FBXO34: variants seen among roughly 807,000 people sequenced by gnomAD.
The protein encoded by FBXO34 is F-box only protein 34.
A neutral mutation model predicts 24.5 loss-of-function variants in FBXO34; 12 were observed. The observed-to-expected ratio is 0.49, with a 90% CI of 0.31 to 0.79. FBXO34 has a LOEUF of 0.79. Among genes scored for constraint, FBXO34 ranks in the 30% least tolerant of loss-of-function variants. The pLI, the probability that FBXO34 is intolerant of heterozygous loss-of-function variation, is 0.04. For synonymous variants in FBXO34, 320 were observed against 311.9 expected (o/e 1.03, Z -0.27); for missense variants, 823 against 857.7 (o/e 0.96, Z 0.51).
the FBXO34 span, among the ~76,000 whole-genome samples, chr14:55,422,412 A>AT: frequency 3.1e-4 from 47 of 150,048 alleles, no homozygotes; most frequent in African/African-American, 5.6e-4. Flanking sequence ...TGCCCAGCTA[A>AT]TTTTTTTTTT....
At chr14:55,377,688 A>G in the FBXO34 span, 1 of 553,430 alleles carries the variant, frequency 1.8e-6, no homozygotes, top group Non-Finnish European at 3.2e-6. Context: ...TTCTTTCTGT[A>G]TTGGACTCCA....
At chr14:55,426,773 G>A in the FBXO34 span, among the ~76,000 whole-genome samples, 1 of 152,140 alleles carries the variant, frequency 6.6e-6, no homozygotes, top group Non-Finnish European at 1.5e-5. Flanking sequence ...GTCCCAGGAG[G>A]AAGATAGAAC....
chr14:55,285,585 A>C (rs1447544560), intron 1 of FBXO34: 1 of 152,130 alleles, frequency 6.6e-6, no homozygotes, highest in Non-Finnish European at 1.5e-5. Context: ...TCCTTTATGA[A>C]CACTTCATGG....
chr14:55,412,393 T>C, the FBXO34 span, among the ~76,000 whole-genome samples: 1 of 152,162 alleles, frequency 6.6e-6, no homozygotes, highest in African/African-American at 2.4e-5. Flanking sequence ...TTAATAGTAT[T>C]ATACTTTACC....
At chr14:55,373,700 C>A (rs1375410912), downstream of FBXO34, among the ~76,000 whole-genome samples, 1 of 152,048 alleles carries the variant, frequency 6.6e-6, no homozygotes, top group Non-Finnish European at 1.5e-5. Context: ...CTCAAGTGAT[C>A]CGCCCACCTC....
intron 1 of FBXO34, among the ~76,000 whole-genome samples, chr14:55,278,646 A>G (rs985712355): frequency 6.6e-6 from 1 of 152,234 alleles, no homozygotes; most frequent in Non-Finnish European, 1.5e-5. Context: ...AACTAGTTAC[A>G]TTAAAATGTA....
At chr14:55,277,705 G>A (rs1341920430) in intron 1 of FBXO34, among the ~76,000 whole-genome samples, 2 of 152,092 alleles carry the variant, frequency 1.3e-5, no homozygotes, top group East Asian at 1.9e-4. Flanking sequence ...TTCAGAGGAC[G>A]CAAGTTTCTT....
chr14:55,313,959 G>A (rs1419248626), intron 1 of FBXO34, among the ~76,000 whole-genome samples: 1 of 152,216 alleles, frequency 6.6e-6, no homozygotes, highest in Non-Finnish European at 1.5e-5. Context: ...CTGGAGTGCA[G>A]TGGCATGATC....
chr14:55,424,360 A>T, the FBXO34 span: 1 of 662,852 alleles, frequency 1.5e-6, no homozygotes, highest in East Asian at 2.7e-5. Flanking sequence ...GTTGTAAATA[A>T]GTTAGCTATT....
At position 55,350,991 on chromosome 14, in the gene FBXO34, G is replaced by T. The variant is rs1167162757; in HGVS notation, c.601G>T (p.Ala201Ser). Residue 201 changes from alanine (A) to serine (S), a missense_variant, in exon 2 of 2, where the codon GCT becomes TCT. This residue lies in a region of FBXO34 where 693 missense variants were observed against 659.1 expected (regional missense o/e 1.05). Coordinates refer to ENST00000313833, the MANE Select transcript of FBXO34 (RefSeq NM_017943.4). ...YVSDSGDGVY[A>S]GRPLSVIQMV... is the part of the protein sequence containing the mutation. ...GAGTGACAGTGGGGATGGAGTCTAT[G>T]CTGGGAGGCCTCTGTCAGTTATACA... 1.9e-6 allele frequency: 3 copies of T among 1,614,210 alleles called. No homozygotes were observed. In the South Asian group the frequency reaches 3.3e-5, roughly 18 times the overall value.
chr14:55,351,471 A>G lies in FBXO34; in HGVS notation c.1081A>G (p.Lys361Glu). 6.2e-7 allele frequency: 1 copy of G among 1,614,160 alleles called. No homozygotes were observed. Among genetic ancestry groups the G allele is most frequent in the Non-Finnish European group, 8.5e-7 (1 of 1,180,022 alleles). Residue 361 changes from lysine to glutamate, a missense_variant, in exon 2 of 2, where the codon AAG becomes GAG. Physicochemically the swap from Lys to Glu is moderately conservative, Grantham distance 56. This residue lies in a region of FBXO34 where 693 missense variants were observed against 659.1 expected (regional missense o/e 1.05). Transcript: ENST00000313833. Reference sequence around the variant, plus strand: ...TTCAAGAGCTGATCGTTGTTCTCCTAAGGAGGACCAGGCCTGGGACGGTGC... The same window carrying G: ...TTCAAGAGCTGATCGTTGTTCTCCTGAGGAGGACCAGGCCTGGGACGGTGC... ...GPSRADRCSPKEDQAWDGASQ... is the reference protein window; with the variant it reads ...GPSRADRCSPEEDQAWDGASQ...
chr14:55,304,967 T>A (rs1156481604), intron 1 of FBXO34, among the ~76,000 whole-genome samples: 2 of 152,210 alleles, frequency 1.3e-5, no homozygotes, highest in African/African-American at 2.4e-5. Flanking sequence ...ATTCTTAGAG[T>A]ACATTAGGGC....
At chr14:55,362,442 CTTGCTCA>C (rs572984062), downstream of FBXO34, among the ~76,000 whole-genome samples, 10 of 152,298 alleles carry the variant, frequency 6.6e-5, no homozygotes, top group East Asian at 1.9e-4. Context: ...GCGCTGATGA[CTTGCTCA>C]TTGCAGGGTT....
At chr14:55,423,472 G>C in the FBXO34 span, among the ~76,000 whole-genome samples, 1 of 152,304 alleles carries the variant, frequency 6.6e-6, no homozygotes, top group East Asian at 1.9e-4. Flanking sequence ...AGCAAACAAA[G>C]AAGGAACATT....
chr14:55,370,004 C>G (rs1332405861), downstream of FBXO34: 1 of 1,416,878 alleles, frequency 7.1e-7, no homozygotes, highest in East Asian at 2.3e-5. Context: ...CCTGAAGGCC[C>G]TCACCTGAGG....
At chr14:55,361,013 A>G (rs868549218) in intron 3 of FBXO34, among the ~76,000 whole-genome samples, 113 of 152,240 alleles carry the variant, frequency 7.4e-4, no homozygotes, top group Middle Eastern at 3.4e-3. Flanking sequence ...GAAAAAAAAA[A>G]AAAGTTGATA....
At chr14:55,340,616 G>C (rs1447279736) in intron 1 of FBXO34, among the ~76,000 whole-genome samples, 6 of 151,932 alleles carry the variant, frequency 3.9e-5, no homozygotes, top group African/African-American at 1.5e-4. Flanking sequence ...ATTCAGTTAC[G>C]TATAACTGTG....
the FBXO34 span, chr14:55,440,662 A>G: frequency 4.9e-6 from 6 of 1,222,236 alleles, no homozygotes; most frequent in South Asian, 1.6e-5. Context: ...CTACCGGCCC[A>G]TGGGCGCTGG....
intron 1 of FBXO34, among the ~76,000 whole-genome samples, chr14:55,319,301 C>T (rs750060911): frequency 4.6e-5 from 7 of 152,110 alleles, no homozygotes; most frequent in Non-Finnish European, 1.0e-4. Flanking sequence ...TACATGTGAT[C>T]GATTTTTAGG....
Sources: allele counts gnomAD v4.1 joint callset (sites outside exome capture counted in the v4.1 genomes callset), GRCh38; gene constraint gnomAD v4.1.1; regional missense constraint gnomAD v4.1.1; transcripts MANE v1.5; gene names NCBI Gene and HGNC (gene_info 2026-07-23, HGNC 2026-07-21).